The following CACNG5 variants were observed in gnomAD, a reference collection of about 807,000 sequenced individuals.
CACNG5 encodes the protein voltage-dependent calcium channel gamma-5 subunit.
Under a neutral mutation model 24.8 loss-of-function variants are expected in CACNG5, and 18 were observed. The observed-to-expected ratio is 0.73, with a 90% CI of 0.50 to 1.08. The LOEUF is 1.08. CACNG5 is among the 50% of genes least tolerant of loss of function. The probability of loss-of-function intolerance (pLI) is 0.00; values close to 1 mark genes in which losing one functional copy is unlikely to be tolerated. For synonymous variants in CACNG5, 157 were observed against 149.1 expected (o/e 1.05, Z -0.39); for missense variants, 349 against 367.9 (o/e 0.95, Z 0.42).
intron 1 of CACNG5, among the ~76,000 whole-genome samples, chr17:66,846,615 G>A (rs1172517265): frequency 1.3e-5 from 2 of 152,180 alleles, no homozygotes; most frequent in African/African-American, 4.8e-5. Flanking sequence ...ATGTACCACA[G>A]TGTGTCCATT....
intron 1 of CACNG5, among the ~76,000 whole-genome samples, chr17:66,874,918 A>G (rs1186787536): frequency 6.6e-6 from 1 of 152,026 alleles, no homozygotes; most frequent in Non-Finnish European, 1.5e-5. Flanking sequence ...GGACTTTGTG[A>G]GCTTCAAGTG....
intron 1 of CACNG5, among the ~76,000 whole-genome samples, chr17:66,862,776 A>G (rs1417724285): frequency 6.6e-6 from 1 of 151,150 alleles, no homozygotes; most frequent in Non-Finnish European, 1.5e-5. Flanking sequence ...TTACTAGGTC[A>G]TAGAATAATT....
At chr17:66,870,313 G>A (rs909376957) in intron 1 of CACNG5, among the ~76,000 whole-genome samples, 1 of 152,156 alleles carries the variant, frequency 6.6e-6, no homozygotes, top group Non-Finnish European at 1.5e-5. Flanking sequence ...CTGGCAGCTA[G>A]TGCTGGCCAC....
At position 66,848,249 on chromosome 17, in the gene CACNG5, C is replaced by T. The variant is rs1008646811; in HGVS notation, c.-104+12999C>T. On this transcript the variant is annotated intron_variant, in intron 1 of 5. Coordinates refer to ENST00000533854, the MANE Select transcript of CACNG5 (RefSeq NM_145811.3). ...GGGACGTTGCTCCATTTCTGGGTATCCCTGTATTCTCCCCTCATTCCAATC... is the reference window on the plus strand; with the variant it reads ...GGGACGTTGCTCCATTTCTGGGTATTCCTGTATTCTCCCCTCATTCCAATC... Among the ~76,000 whole-genome samples the T allele has an allele frequency of 1.9e-4, 29 of 152,336 alleles. No homozygotes were observed. In the East Asian group the frequency reaches 2.7e-3, roughly 14 times the overall value.
chr17:66,862,593 C>A (rs1306760500), intron 1 of CACNG5, among the ~76,000 whole-genome samples: 1 of 152,124 alleles, frequency 6.6e-6, no homozygotes, highest in Non-Finnish European at 1.5e-5. Context: ...GGAACTTCGT[C>A]ATATGTAATA....
intron 1 of CACNG5, among the ~76,000 whole-genome samples, chr17:66,854,355 G>A (rs754593855): frequency 2.6e-5 from 4 of 151,814 alleles, no homozygotes; most frequent in Non-Finnish European, 4.4e-5. Flanking sequence ...GTGAACCTGG[G>A]AGGCAGAGTG....
At chr17:66,853,921 G>T (rs1019109833) in intron 1 of CACNG5, among the ~76,000 whole-genome samples, 1 of 151,756 alleles carries the variant, frequency 6.6e-6, no homozygotes, top group East Asian at 1.9e-4. Flanking sequence ...GAGTCCCTAA[G>T]TGCACCAAGA....
intron 1 of CACNG5, among the ~76,000 whole-genome samples, chr17:66,842,983 G>T (rs11867463): frequency 0.054 from 8,234 of 152,262 alleles, 325 homozygotes; most frequent in African/African-American, 0.12. Context: ...AGTCCTGCAC[G>T]CCAGCAACTG....
chr17:66,850,210 T>C (rs1976695064), intron 1 of CACNG5, among the ~76,000 whole-genome samples: 3 of 152,188 alleles, frequency 2.0e-5, no homozygotes, highest in Non-Finnish European at 4.4e-5. Flanking sequence ...TCCCCATCCC[T>C]GCTCTTTTGG....
intron 1 of CACNG5, among the ~76,000 whole-genome samples, chr17:66,844,411 T>C (rs913271259): frequency 6.6e-6 from 1 of 152,174 alleles, no homozygotes; most frequent in Non-Finnish European, 1.5e-5. Context: ...TCCTCAATTC[T>C]AAAATGAGAA....
intron 1 of CACNG5, among the ~76,000 whole-genome samples, chr17:66,861,536 G>A (rs1392748966): frequency 2.0e-5 from 3 of 152,166 alleles, no homozygotes; most frequent in Non-Finnish European, 4.4e-5. Context: ...CTGGAATAGG[G>A]GTGCAGATAT....
chr17:66,862,946 C>T (rs1233105047), intron 1 of CACNG5, among the ~76,000 whole-genome samples: 1 of 139,120 alleles, frequency 7.2e-6, no homozygotes, highest in Non-Finnish European at 1.6e-5. Context: ...GTGTCTCAGT[C>T]TCAGAAGGGG....
chr17:66,868,415 G>C, intron 1 of CACNG5, among the ~76,000 whole-genome samples: 1 of 152,198 alleles, frequency 6.6e-6, no homozygotes, highest in East Asian at 1.9e-4. Flanking sequence ...CACTCCAAAA[G>C]CATAATCCTG....
intron 1 of CACNG5, among the ~76,000 whole-genome samples, chr17:66,866,012 C>G (rs77983408): frequency 0.036 from 5,526 of 152,178 alleles, 159 homozygotes; most frequent in East Asian, 0.084. Flanking sequence ...CTTAATTACA[C>G]TTGCAGAATT....
chr17:66,838,960 C>CTTTTTTTTTTTTTTTTTTT lies in CACNG5; in HGVS notation c.-104+3711_-104+3729dup, dbSNP rs71160595. 6.4e-4 allele frequency among the ~76,000 whole-genome samples: 56 copies of CTTTTTTTTTTTTTTTTTTT among 88,094 alleles called. 2 individuals are homozygous for CTTTTTTTTTTTTTTTTTTT. The highest frequency in any genetic ancestry group is 8.7e-4 in the Non-Finnish European group (41 of 47,296). The allele number at this position is 88,094 out of a possible 152,430, so 57.8% of individuals were successfully genotyped here. ...GTAGCACCCCAGTCCCTCACCCATTCTTTTTTTTTTTTTTTTTTTGAGACA... is the reference window on the plus strand; with the variant it reads ...GTAGCACCCCAGTCCCTCACCCATTCTTTTTTTTTTTTTTTTTTTTTTTTTTTTTTTTTTTTTTGAGACA... On this transcript the variant is annotated intron_variant, in intron 1 of 5. Coordinates refer to ENST00000533854, the MANE Select transcript of CACNG5 (RefSeq NM_145811.3).
intron 1 of CACNG5, among the ~76,000 whole-genome samples, chr17:66,838,533 G>A (rs1009140293): frequency 6.6e-6 from 1 of 151,892 alleles, no homozygotes; most frequent in Non-Finnish European, 1.5e-5. Flanking sequence ...GATGTGGACT[G>A]GTCCTGGCTG....
intron 3 of CACNG5, 113 bp from the exon 4 acceptor site, chr17:66,880,444 G>T (rs1038686192): frequency 1.8e-5 from 24 of 1,317,420 alleles, no homozygotes; most frequent in Non-Finnish European, 2.3e-5. Context: ...CCCCTGCAGG[G>T]GTGGGGCTTT....
Position 66,880,814 on chromosome 17 carries a change from T to C in CACNG5, c.424+117T>C, listed in dbSNP as rs904520133. 6 of 1,102,154 alleles carry C rather than the reference T, an allele frequency of 5.4e-6. No individual in the cohort carries two copies. The African/African-American group carries it at 9.3e-5, about 17-fold the overall frequency. The allele number at this position is 1,102,154 out of a possible 1,614,324, so 68.3% of individuals were successfully genotyped here. On this transcript the variant is annotated intron_variant, in intron 4 of 5. Coordinates refer to ENST00000533854, the MANE Select transcript of CACNG5 (RefSeq NM_145811.3). The stretch of plus-strand genomic sequence containing the variant: ...TGGAGTGCAGTGGCACGATCTTGGC[T>C]CACTGCAACCTCCACCTCCCGGATT...
chr17:66,846,788 G>A (rs1976642835), intron 1 of CACNG5, among the ~76,000 whole-genome samples: 4 of 152,196 alleles, frequency 2.6e-5, no homozygotes, highest in Non-Finnish European at 5.9e-5. Flanking sequence ...ATCCCTAGGA[G>A]TGGGGTTACT....
Sources: gnomAD v4.1 joint callset for allele counts (sites outside exome capture counted in the v4.1 genomes callset) on GRCh38, gnomAD v4.1.1 for gene constraint, MANE v1.5 for transcripts, NCBI Gene and HGNC (gene_info 2026-07-23, HGNC 2026-07-21) for gene names.